GRID2: variants seen among roughly 807,000 people sequenced by gnomAD.
GRID2 encodes the protein glutamate receptor ionotropic, delta-2.
GRID2 carries 33 observed loss-of-function variants against 114.8 expected under a neutral mutation model. The ratio of observed to expected loss-of-function variants is 0.29; its 90% confidence interval spans 0.22 to 0.38. The LOEUF (loss-of-function observed/expected upper bound fraction) is 0.38, where lower values mean the gene tolerates loss of function less well. GRID2 is among the 10% of genes least tolerant of loss of function. The pLI, the probability that GRID2 is intolerant of heterozygous loss-of-function variation, is 1.00. For synonymous variants in GRID2, 505 were observed against 449.9 expected (o/e 1.12, Z -1.55); for missense variants, 1,184 against 1,257.7 (o/e 0.94, Z 0.89).
intron 1 of GRID2, among the ~76,000 whole-genome samples, chr4:92,323,289 C>A (rs879863607): frequency 1.3e-5 from 2 of 152,010 alleles, no homozygotes; most frequent in African/African-American, 4.8e-5. Flanking sequence ...AGTGTATATA[C>A]ATTTTTAAAA....
intron 2 of GRID2, among the ~76,000 whole-genome samples, chr4:92,832,454 C>T (rs528297095): frequency 9.2e-5 from 14 of 152,080 alleles, no homozygotes; most frequent in Non-Finnish European, 1.3e-4. Context: ...AGTGCAGTGA[C>T]GCAATCTTGG....
At chr4:92,688,610 CT>C (rs1264924805) in intron 2 of GRID2, among the ~76,000 whole-genome samples, 8 of 152,106 alleles carry the variant, frequency 5.3e-5, no homozygotes. Context: ...CTGCACCAAC[CT>C]ACTCAGTCAC....
chr4:93,412,235 C>CG (rs1477521732), intron 9 of GRID2, among the ~76,000 whole-genome samples: 4 of 150,910 alleles, frequency 2.7e-5, no homozygotes, highest in African/African-American at 9.7e-5. Context: ...CCCATCCCCC[C>CG]CCCCCAAAAA....
At chr4:93,393,486 A>G (rs1444486408) in intron 8 of GRID2, among the ~76,000 whole-genome samples, 1 of 152,008 alleles carries the variant, frequency 6.6e-6, no homozygotes, top group East Asian at 1.9e-4. Context: ...TATACATGGT[A>G]TGAATAATAT....
chr4:93,393,149 A>G (rs947942909), intron 8 of GRID2, among the ~76,000 whole-genome samples: 3 of 152,060 alleles, frequency 2.0e-5, no homozygotes, highest in African/African-American at 7.2e-5. Context: ...TATCCTAAAC[A>G]TTCTTTACTC....
chr4:93,046,706 A>T (rs1367654629), intron 2 of GRID2, among the ~76,000 whole-genome samples: 2 of 151,804 alleles, frequency 1.3e-5, no homozygotes, highest in African/African-American at 4.8e-5. Flanking sequence ...GTTGTTTCTA[A>T]ATCAGATTCT....
chr4:93,400,995 CCTGA>C (rs1765827334), intron 9 of GRID2, among the ~76,000 whole-genome samples: 1 of 151,910 alleles, frequency 6.6e-6, no homozygotes, highest in African/African-American at 2.4e-5. Context: ...TGCCACCGTG[CCTGA>C]CTAATTTATT....
At chr4:93,262,479 A>T (rs1478094904) in intron 8 of GRID2, among the ~76,000 whole-genome samples, 1 of 151,994 alleles carries the variant, frequency 6.6e-6, no homozygotes, top group Non-Finnish European at 1.5e-5. Flanking sequence ...AGAAAACATA[A>T]AATATGAATT....
chr4:92,601,565 C>T (rs988843049), intron 2 of GRID2, among the ~76,000 whole-genome samples: 5 of 151,858 alleles, frequency 3.3e-5, no homozygotes, highest in African/African-American at 1.2e-4. Context: ...CACTAAAGGC[C>T]CACATCAAAA....
At chr4:93,280,391 GTTAC>G (rs1316404368) in intron 8 of GRID2, among the ~76,000 whole-genome samples, 1 of 151,974 alleles carries the variant, frequency 6.6e-6, no homozygotes, top group Non-Finnish European at 1.5e-5. Context: ...TACTTTCTAT[GTTAC>G]TTTCTGCCTT....
chr4:93,570,776 T>C (rs17020773), intron 13 of GRID2, among the ~76,000 whole-genome samples: 5,468 of 152,274 alleles, frequency 0.036, 105 homozygotes, highest in South Asian at 0.052. Flanking sequence ...CTAAGGTTAC[T>C]ATGTTACATA....
chr4:93,374,906 C>T (rs746126346), intron 8 of GRID2, among the ~76,000 whole-genome samples: 4 of 152,134 alleles, frequency 2.6e-5, no homozygotes, highest in Non-Finnish European at 5.9e-5. Context: ...TAAAGTCAAT[C>T]GACCTGTCTC....
At chr4:93,311,164 G>A (rs1755971471) in intron 8 of GRID2, among the ~76,000 whole-genome samples, 2 of 152,206 alleles carry the variant, frequency 1.3e-5, no homozygotes, top group Admixed American at 6.5e-5. Context: ...TCAAGAGTTG[G>A]TGGGAAGAAA....
At chr4:92,888,613 G>C (rs1746534717) in intron 2 of GRID2, among the ~76,000 whole-genome samples, 1 of 151,920 alleles carries the variant, frequency 6.6e-6, no homozygotes, top group African/African-American at 2.4e-5. Context: ...ATAATCAGTT[G>C]TATTATTGCA....
chr4:92,768,695 C>T lies in GRID2; in HGVS notation c.244+178409C>T, dbSNP rs72883947. ...TTGGAAAGCAAGGAGGAGCAACTCACGTCTTACAAGAATGGTGGCAGGCAA... is the reference window on the plus strand; with the variant it reads ...TTGGAAAGCAAGGAGGAGCAACTCATGTCTTACAAGAATGGTGGCAGGCAA... On this transcript the variant is annotated intron_variant, in intron 2 of 15. Coordinates refer to ENST00000282020, the MANE Select transcript of GRID2 (RefSeq NM_001510.4). Among the ~76,000 whole-genome samples, 296 of 152,250 alleles carry T rather than the reference C, an allele frequency of 1.9e-3. 2 individuals are homozygous for T. The highest frequency in any genetic ancestry group is 6.6e-3 in the African/African-American group (273 of 41,524).
intron 8 of GRID2, among the ~76,000 whole-genome samples, chr4:93,254,713 C>T (rs1749373746): frequency 6.6e-6 from 1 of 152,034 alleles, no homozygotes; most frequent in African/African-American, 2.4e-5. Flanking sequence ...AGTGCACTTT[C>T]ATTAAATAAG....
chr4:93,183,440 C>A (rs2149438164), intron 4 of GRID2, among the ~76,000 whole-genome samples: 1 of 152,262 alleles, frequency 6.6e-6, no homozygotes, highest in African/African-American at 2.4e-5. Context: ...ATAGATGTTT[C>A]ACGTGTGATG....
chr4:92,530,793 A>G (rs917515490), intron 1 of GRID2, among the ~76,000 whole-genome samples: 5 of 151,134 alleles, frequency 3.3e-5, no homozygotes, highest in African/African-American at 1.2e-4. Flanking sequence ...TATAATCCCA[A>G]CTACTCAGGA....
At chr4:93,328,081 G>A (rs1758033348) in intron 8 of GRID2, among the ~76,000 whole-genome samples, 1 of 151,774 alleles carries the variant, frequency 6.6e-6, no homozygotes, top group Non-Finnish European at 1.5e-5. Context: ...TCGCGCCACT[G>A]CACTCCAGCC....
Sources: gnomAD v4.1 joint callset for allele counts (sites outside exome capture counted in the v4.1 genomes callset) on GRCh38, gnomAD v4.1.1 for gene constraint, MANE v1.5 for transcripts, NCBI Gene and HGNC (gene_info 2026-07-23, HGNC 2026-07-21) for gene names.